The following TLK2 variants were observed in gnomAD, a reference collection of about 807,000 sequenced individuals.
TLK2 encodes the protein serine/threonine-protein kinase tousled-like 2.
TLK2 carries 6 observed loss-of-function variants against 117.3 expected under a neutral mutation model. The ratio of observed to expected loss-of-function variants is 0.05; its 90% CI spans 0.03 to 0.10. The LOEUF is 0.10. Among genes scored for constraint, TLK2 ranks in the 10% least tolerant of loss-of-function variants. The pLI is 1.00. For missense variants in TLK2, 299 were observed against 901.2 expected, an observed-to-expected ratio of 0.33 and a Z score of 8.56; for synonymous variants, 257 against 316.7, an observed-to-expected ratio of 0.81 and a Z score of 2.00.
intron 7 of TLK2, chr17:62,551,515 C>A (rs1272825323): frequency 6.6e-6 from 1 of 152,124 alleles, no homozygotes; most frequent in South Asian, 2.1e-4. Context: ...ACCATCCTGG[C>A]TAACACAGTG....
At chr17:62,560,242 A>T in intron 10 of TLK2, 116 bp downstream of exon 10, 1 of 737,434 alleles carries the variant, frequency 1.4e-6, no homozygotes, top group Non-Finnish European at 2.0e-6. Flanking sequence ...CTTTTTAGGA[A>T]CATGATTTGA....
intron 18 of TLK2, among the ~76,000 whole-genome samples, chr17:62,601,734 A>G (rs997953471): frequency 6.6e-6 from 1 of 152,204 alleles, no homozygotes; most frequent in Middle Eastern, 3.2e-3. Flanking sequence ...GTTCAGATGA[A>G]AGTTTCCCAT....
At position 62,607,635 on chromosome 17, in the gene TLK2, C is replaced by G. The variant is rs549833606; in HGVS notation, c.1972-406C>G. ...CCTTACCCCTCTTGGTTTTGACTTC[C>G]TTTCCTTCTCTTTTTCTGTTTTTTG... On this transcript the variant is annotated intron_variant, in intron 20 of 21. Coordinates refer to ENST00000346027, the MANE Select transcript of TLK2 (RefSeq NM_006852.6). 2.7e-4 allele frequency among the ~76,000 whole-genome samples: 41 copies of G among 152,148 alleles called. No homozygotes were observed. The East Asian group carries it at 7.7e-3, about 29-fold the overall frequency.
chr17:62,560,316 G>A (rs1244964719), intron 10 of TLK2, 190 bp downstream of exon 10: 2 of 371,514 alleles, frequency 5.4e-6, no homozygotes, highest in Non-Finnish European at 1.0e-5. Flanking sequence ...TTTGGGATAT[G>A]CTTTGTTGCT....
upstream of TLK2, among the ~76,000 whole-genome samples, chr17:62,476,309 C>T (rs915718180): frequency 9.9e-5 from 15 of 150,932 alleles, no homozygotes; most frequent in African/African-American, 3.2e-4. Flanking sequence ...ATCGGCCAGG[C>T]GCGGTGGCTC....
chr17:62,571,214 T>TA (rs2080261990), intron 11 of TLK2, among the ~76,000 whole-genome samples: 1 of 152,206 alleles, frequency 6.6e-6, no homozygotes, highest in Non-Finnish European at 1.5e-5. Flanking sequence ...CTTCCTCAGA[T>TA]ACCAAAATCC....
chr17:62,557,412 T>C (rs71375869), intron 9 of TLK2, among the ~76,000 whole-genome samples: 3 of 152,206 alleles, frequency 2.0e-5, no homozygotes, highest in African/African-American at 7.2e-5. Context: ...ATTTTCATTG[T>C]TTTCAAGCTG....
intron 13 of TLK2, among the ~76,000 whole-genome samples, chr17:62,578,217 A>G (rs2080957221): frequency 6.6e-6 from 1 of 152,224 alleles, no homozygotes; most frequent in Non-Finnish European, 1.5e-5. Flanking sequence ...TGGTTATTAC[A>G]TCTCAGGAGT....
At chr17:62,580,057 G>T (rs1192316618) in intron 14 of TLK2, 54 bp from the exon 15 acceptor site, 2 of 1,473,244 alleles carry the variant, frequency 1.4e-6, no homozygotes, top group African/African-American at 2.8e-5. Flanking sequence ...TTTTGCAAGC[G>T]TGGAAGACTG....
chr17:62,519,140 C>T (rs2075850652), intron 2 of TLK2, among the ~76,000 whole-genome samples: 1 of 152,206 alleles, frequency 6.6e-6, no homozygotes, highest in Non-Finnish European at 1.5e-5. Flanking sequence ...CCACCTTGGC[C>T]TCCCAGAGTG....
At position 62,614,273 on chromosome 17, in the gene TLK2, C is replaced by T. The variant is rs1370401714; in HGVS notation, c.*1708C>T. On this transcript the variant is annotated 3_prime_UTR_variant, in exon 22 of 22. Coordinates refer to ENST00000346027, the MANE Select transcript of TLK2 (RefSeq NM_006852.6). ...TGGGAGACGGGTGGCCCCACCGTGC[C>T]CTTGAAACAGCAGAGCACTCCTCAG... 2 of 152,150 alleles carry T rather than the reference C, an allele frequency of 1.3e-5. No individual in the cohort carries two copies. The highest frequency in any genetic ancestry group is 4.8e-5 in the African/African-American group (2 of 41,418). 9.4% of individuals were successfully genotyped at this position (152,150 alleles called of 1,614,324 possible).
At chr17:62,607,213 G>GT (rs1373440839) in intron 20 of TLK2, among the ~76,000 whole-genome samples, 1 of 151,862 alleles carries the variant, frequency 6.6e-6, no homozygotes, top group African/African-American at 2.4e-5. Flanking sequence ...GTTTTTAAGA[G>GT]TTTATTAGAA....
At chr17:62,510,635 C>T (rs1030666262) in intron 2 of TLK2, among the ~76,000 whole-genome samples, 3 of 152,188 alleles carry the variant, frequency 2.0e-5, no homozygotes, top group Non-Finnish European at 4.4e-5. Context: ...ATGTCTGCCT[C>T]CTTCCTGTGG....
chr17:62,516,494 C>G, intron 2 of TLK2: 1 of 1,606,660 alleles, frequency 6.2e-7, no homozygotes, highest in Non-Finnish European at 8.5e-7. Context: ...CGTAGGGTGG[C>G]AGGCACAATC....
intron 2 of TLK2, among the ~76,000 whole-genome samples, chr17:62,496,710 C>T (rs1185623295): frequency 6.6e-6 from 1 of 152,070 alleles, no homozygotes; most frequent in East Asian, 1.9e-4. Flanking sequence ...AATCCCAGCA[C>T]TTTGGGAGGC....
chr17:62,565,149 G>T lies in TLK2; in HGVS notation c.968+12G>T. On this transcript the variant is annotated intron_variant, in intron 11 of 21. Transcript: ENST00000346027. ...CAGAATCTTATCAAGTAAGTGAATT[G>T]TTATGATTAAATGGAGAATTGAAAA... The T allele has an allele frequency of 6.3e-7, 1 of 1,594,364 alleles. No individual in the cohort carries two copies. The highest frequency in any genetic ancestry group is 2.2e-5 in the East Asian group (1 of 44,764).
At chr17:62,497,990 C>T (rs1004729889) in intron 2 of TLK2, among the ~76,000 whole-genome samples, 2 of 152,104 alleles carry the variant, frequency 1.3e-5, no homozygotes, top group Admixed American at 6.6e-5. Context: ...GCCACCGTGC[C>T]CAGCCCAATC....
intron 11 of TLK2, among the ~76,000 whole-genome samples, chr17:62,570,466 G>A (rs2080191439): frequency 6.6e-6 from 1 of 152,096 alleles, no homozygotes; most frequent in African/African-American, 2.4e-5. Flanking sequence ...GGGGATATAC[G>A]GATTGCTAAG....
intron 14 of TLK2, among the ~76,000 whole-genome samples, chr17:62,579,614 A>T (rs898185863): frequency 2.0e-5 from 3 of 152,242 alleles, no homozygotes; most frequent in Non-Finnish European, 2.9e-5. Flanking sequence ...AATATGGGGA[A>T]CACAGTTATA....
Sources: gnomAD v4.1 joint callset for allele counts (sites outside exome capture counted in the v4.1 genomes callset) on GRCh38, gnomAD v4.1.1 for gene constraint, MANE v1.5 for transcripts, NCBI Gene and HGNC (gene_info 2026-07-23, HGNC 2026-07-21) for gene names.